MEF2A: variants seen among roughly 807,000 people sequenced by gnomAD.
MEF2A encodes myocyte-specific enhancer factor 2A.
A neutral mutation model predicts 55.8 loss-of-function variants in MEF2A; 28 were observed. The observed-to-expected ratio is 0.50, with a 90% confidence interval of 0.37 to 0.69. The LOEUF is 0.69. Among genes scored for constraint, MEF2A ranks in the 30% least tolerant of loss-of-function variants. The pLI, the probability that MEF2A is intolerant of heterozygous loss-of-function variation, is 0.00. For missense variants in MEF2A, 528 were observed against 626.2 expected, an observed-to-expected ratio of 0.84 and a Z score of 1.67; for synonymous variants, 239 against 227.1, an observed-to-expected ratio of 1.05 and a Z score of -0.47.
chr15:99,568,215 T>C (rs72760514), intron 1 of MEF2A, among the ~76,000 whole-genome samples: 5,038 of 152,288 alleles, frequency 0.033, 97 homozygotes, highest in Middle Eastern at 0.12. Flanking sequence ...GGAAGGAAAA[T>C]AGCTTATTGA....
At chr15:99,638,814 G>A (rs184025234) in intron 3 of MEF2A, among the ~76,000 whole-genome samples, 6 of 152,172 alleles carry the variant, frequency 3.9e-5, no homozygotes, top group Admixed American at 3.9e-4. Flanking sequence ...ATTATACGAT[G>A]CAGTCTTTTG....
chr15:99,599,616 T>C (rs1972325107), intron 2 of MEF2A, among the ~76,000 whole-genome samples: 1 of 152,160 alleles, frequency 6.6e-6, no homozygotes, highest in African/African-American at 2.4e-5. Flanking sequence ...ATCTTTAGTT[T>C]AGGAGACTAG....
chr15:99,632,307 G>T (rs1369552908), intron 2 of MEF2A, among the ~76,000 whole-genome samples: 1 of 152,170 alleles, frequency 6.6e-6, no homozygotes, highest in Non-Finnish European at 1.5e-5. Context: ...ATGGCCAAAG[G>T]AATGTTTCAT....
At position 99,590,781 on chromosome 15, in the gene MEF2A, T is replaced by G. The variant is rs73480467; in HGVS notation, c.-224-7649T>G. Among the ~76,000 whole-genome samples, 1,211 of 152,222 alleles carry G rather than the reference T, an allele frequency of 8.0e-3. 11 individuals are homozygous for G. The highest frequency in any genetic ancestry group is 0.027 in the African/African-American group (1,140 of 41,526). The stretch of plus-strand genomic sequence containing the variant: ...ACTTCCAGTTTCCTTCCCTTCATTC[T>G]TTTTGCTATTGTCATTGATTTTATT... On this transcript the variant is annotated intron_variant, in intron 1 of 11. Transcript: ENST00000557942.
chr15:99,656,845 G>A (rs1016933336), intron 4 of MEF2A, among the ~76,000 whole-genome samples: 1 of 152,016 alleles, frequency 6.6e-6, no homozygotes, highest in Admixed American at 6.6e-5. Context: ...TGTAGATTAT[G>A]CAGTTCAGTG....
At chr15:99,683,349 C>G (rs1258839991) in intron 7 of MEF2A, among the ~76,000 whole-genome samples, 2 of 152,138 alleles carry the variant, frequency 1.3e-5, no homozygotes, top group African/African-American at 2.4e-5. Context: ...TTGGAGGAAA[C>G]AAGAGGAATT....
intron 4 of MEF2A, among the ~76,000 whole-genome samples, chr15:99,656,758 TG>T (rs2047786970): frequency 6.6e-6 from 1 of 152,168 alleles, no homozygotes; most frequent in African/African-American, 2.4e-5. Flanking sequence ...TATTGAAATG[TG>T]GTAGGCATAC....
chr15:99,629,719 T>C (rs1334134063), intron 2 of MEF2A, among the ~76,000 whole-genome samples: 1 of 152,126 alleles, frequency 6.6e-6, no homozygotes, highest in Non-Finnish European at 1.5e-5. Context: ...TCATGTTATT[T>C]GAAGAGAAAC....
At chr15:99,705,224 T>C (rs1358555490) in intron 9 of MEF2A, among the ~76,000 whole-genome samples, 1 of 152,222 alleles carries the variant, frequency 6.6e-6, no homozygotes. Flanking sequence ...CGAGCAATAC[T>C]AGAACAACTT....
At chr15:99,668,194 A>G (rs1259579497) in intron 4 of MEF2A, among the ~76,000 whole-genome samples, 1 of 152,238 alleles carries the variant, frequency 6.6e-6, no homozygotes, top group Non-Finnish European at 1.5e-5. Flanking sequence ...GTACTGATGA[A>G]AAATATAGGT....
chr15:99,599,383 A>G (rs1972258014), intron 2 of MEF2A, among the ~76,000 whole-genome samples: 1 of 152,132 alleles, frequency 6.6e-6, no homozygotes, highest in Admixed American at 6.5e-5. Context: ...TGGAAAAGGT[A>G]TCTTAAAAAT....
chr15:99,642,696 A>G (rs940293792), intron 3 of MEF2A, among the ~76,000 whole-genome samples: 3 of 152,182 alleles, frequency 2.0e-5, no homozygotes, highest in East Asian at 3.8e-4. Flanking sequence ...CTGGCATTCT[A>G]CATTTAGAAC....
chr15:99,626,914 C>G (rs767232427), intron 2 of MEF2A, among the ~76,000 whole-genome samples: 197 of 151,854 alleles, frequency 1.3e-3, no homozygotes, highest in Non-Finnish European at 2.2e-3. Context: ...AAATAATCAA[C>G]AAGGAATTGG....
At chr15:99,602,238 C>T (rs1164878589) in intron 2 of MEF2A, among the ~76,000 whole-genome samples, 3 of 152,064 alleles carry the variant, frequency 2.0e-5, no homozygotes, top group East Asian at 3.9e-4. Flanking sequence ...ACCTTTGACT[C>T]AGGGTTTTAT....
intron 1 of MEF2A, among the ~76,000 whole-genome samples, chr15:99,581,023 T>A (rs1422531715): frequency 2.0e-5 from 3 of 152,036 alleles, no homozygotes; most frequent in Non-Finnish European, 4.4e-5. Context: ...ATGCCTTTTA[T>A]CTATTTTTTT....
At chr15:99,571,722 C>T (rs1962378935) in intron 1 of MEF2A, among the ~76,000 whole-genome samples, 2 of 152,106 alleles carry the variant, frequency 1.3e-5, no homozygotes, top group African/African-American at 4.8e-5. Flanking sequence ...ATTTTTCCCT[C>T]TTCCCCCAAC....
intron 8 of MEF2A, among the ~76,000 whole-genome samples, chr15:99,694,827 CATTT>C (rs989323893): frequency 3.3e-5 from 5 of 152,094 alleles, no homozygotes; most frequent in African/African-American, 1.2e-4. Flanking sequence ...TTTATTCAAC[CATTT>C]ATTTCTATCA....
At chr15:99,566,319 G>T (rs1959297568) in intron 1 of MEF2A, among the ~76,000 whole-genome samples, 1 of 149,584 alleles carries the variant, frequency 6.7e-6, no homozygotes, top group Non-Finnish European at 1.5e-5. Flanking sequence ...TTGGCGGGGC[G>T]GGTAGGGTGC....
Position 99,645,652 on chromosome 15 carries a change from A to G in MEF2A, c.146A>G (p.Asn49Ser), listed in dbSNP as rs1226882901. 3.7e-6 allele frequency: 6 copies of G among 1,613,632 alleles called. No homozygotes were observed. The highest frequency in any genetic ancestry group is 2.2e-5 in the South Asian group (2 of 91,078). ...TGTGAAATAGCACTCATCATTTTCA[A>G]CAGCTCTAACAAACTGTTTCAATAT... ...CDCEIALIIFNSSNKLFQYAS... is the reference protein window; with the variant it reads ...CDCEIALIIFSSSNKLFQYAS... The change falls in exon 4 of 12, where the codon AAC (asparagine) becomes AGC (serine). Residue 49 changes from asparagine (N) to serine (S), a missense_variant. Coordinates refer to ENST00000557942, the MANE Select transcript of MEF2A (RefSeq NM_001319206.4).
Sources: allele counts gnomAD v4.1 joint callset (sites outside exome capture counted in the v4.1 genomes callset), GRCh38; gene constraint gnomAD v4.1.1; transcripts MANE v1.5; gene names NCBI Gene and HGNC (gene_info 2026-07-23, HGNC 2026-07-21).